The following SCAPER variants were observed in gnomAD, a reference collection of about 807,000 sequenced individuals.
SCAPER encodes the protein S-phase cyclin A associated protein in the ER.
Under a neutral mutation model 182.2 loss-of-function variants are expected in SCAPER, and 98 were observed. That is an observed-to-expected ratio of 0.54 (90% CI 0.46 to 0.64). The LOEUF is 0.64. Ranked by LOEUF, SCAPER falls within the 30% of genes least tolerant of loss-of-function variation. SCAPER has a pLI of 0.00. For missense variants in SCAPER, 1,432 were observed against 1,690.0 expected (o/e 0.85, Z 2.68); for synonymous variants, 605 against 564.6 (o/e 1.07, Z -1.01).
At chr15:76,686,120 A>G (rs950668106) in intron 20 of SCAPER, among the ~76,000 whole-genome samples, 13 of 152,036 alleles carry the variant, frequency 8.6e-5, no homozygotes, top group African/African-American at 3.1e-4. Context: ...TAAGAATATG[A>G]AAATCTAAGT....
chr15:76,587,877 A>G (rs1019582162), intron 22 of SCAPER, among the ~76,000 whole-genome samples: 2 of 151,532 alleles, frequency 1.3e-5, no homozygotes, highest in African/African-American at 4.8e-5. Flanking sequence ...GGAGTACTGA[A>G]GTCCCCCACT....
At chr15:76,509,141 T>C (rs935737738) in intron 23 of SCAPER, among the ~76,000 whole-genome samples, 6 of 152,100 alleles carry the variant, frequency 3.9e-5, no homozygotes. Context: ...CATAACCATA[T>C]TAAAAAATAA....
At chr15:76,468,125 T>G (rs1567201225) in intron 25 of SCAPER, among the ~76,000 whole-genome samples, 1 of 152,118 alleles carries the variant, frequency 6.6e-6, no homozygotes, top group Non-Finnish European at 1.5e-5. Flanking sequence ...CAAAACCAGT[T>G]AGCAAGAAAA....
chr15:76,695,596 C>CAA (rs36040189), intron 20 of SCAPER, among the ~76,000 whole-genome samples: 40 of 112,066 alleles, frequency 3.6e-4, no homozygotes, highest in South Asian at 3.5e-3. Flanking sequence ...GACTCCGTCT[C>CAA]AAAAAAAAAA....
At chr15:76,620,164 T>C (rs1163429318) in intron 22 of SCAPER, among the ~76,000 whole-genome samples, 2 of 152,202 alleles carry the variant, frequency 1.3e-5, no homozygotes, top group Admixed American at 6.5e-5. Flanking sequence ...TAAGTGGTTA[T>C]TGCAAAGAAA....
At chr15:76,762,467 A>C (rs1039235417) in intron 14 of SCAPER, among the ~76,000 whole-genome samples, 4 of 148,198 alleles carry the variant, frequency 2.7e-5, no homozygotes, top group African/African-American at 1.0e-4. Flanking sequence ...CTTTAATTTG[A>C]TGTCTACTTT....
chr15:76,522,035 G>A (rs193074151), intron 23 of SCAPER, among the ~76,000 whole-genome samples: 2 of 152,012 alleles, frequency 1.3e-5, no homozygotes, highest in Admixed American at 6.6e-5. Context: ...CTTTGTGCCC[G>A]CAAGAATTTA....
intron 23 of SCAPER, among the ~76,000 whole-genome samples, chr15:76,508,010 G>T (rs2041737410): frequency 6.6e-6 from 1 of 152,114 alleles, no homozygotes; most frequent in Non-Finnish European, 1.5e-5. Flanking sequence ...AACACATTGT[G>T]TTACAACTCC....
chr15:76,355,075 G>A (rs1179993625), intron 29 of SCAPER, among the ~76,000 whole-genome samples: 1 of 152,170 alleles, frequency 6.6e-6, no homozygotes, highest in Non-Finnish European at 1.5e-5. Context: ...TACACACCCA[G>A]ACAGGACTAC....
intron 20 of SCAPER, among the ~76,000 whole-genome samples, chr15:76,674,080 CAT>C (rs2057217267): frequency 6.6e-6 from 1 of 151,970 alleles, no homozygotes; most frequent in African/African-American, 2.4e-5. Context: ...GACTTACACA[CAT>C]ATTTACAAAC....
At chr15:76,732,702 C>A (rs930267791) in intron 16 of SCAPER, among the ~76,000 whole-genome samples, 1 of 152,212 alleles carries the variant, frequency 6.6e-6, no homozygotes, top group Non-Finnish European at 1.5e-5. Context: ...CCGCAGTTAT[C>A]CTGAGGCCTA....
At chr15:76,860,956 T>C (rs1353242328) in intron 3 of SCAPER, among the ~76,000 whole-genome samples, 1 of 152,042 alleles carries the variant, frequency 6.6e-6, no homozygotes, top group Non-Finnish European at 1.5e-5. Flanking sequence ...AATTTAAGCA[T>C]CAAAATAGAG....
chr15:76,862,297 T>G (rs2071942076), intron 3 of SCAPER, 119 bp downstream of exon 3: 2 of 553,010 alleles, frequency 3.6e-6, no homozygotes, highest in East Asian at 6.2e-5. Flanking sequence ...GTATTTCTTA[T>G]TTAACATACT....
chr15:76,619,020 T>A (rs2051764683), intron 22 of SCAPER, among the ~76,000 whole-genome samples: 1 of 152,160 alleles, frequency 6.6e-6, no homozygotes, highest in Non-Finnish European at 1.5e-5. Flanking sequence ...AGTTTTTGTA[T>A]TTTTAGTAAA....
chr15:76,889,736 C>T (rs144100391), intron 1 of SCAPER, among the ~76,000 whole-genome samples: 217 of 152,160 alleles, frequency 1.4e-3, no homozygotes, highest in African/African-American at 5.2e-3. Context: ...ACTTTAACAC[C>T]CTACTCTCAG....
intron 10 of SCAPER, among the ~76,000 whole-genome samples, chr15:76,769,224 C>G (rs2063298484): frequency 6.6e-6 from 1 of 151,394 alleles, no homozygotes; most frequent in Admixed American, 6.6e-5. Flanking sequence ...GGGTGGATCA[C>G]GAGGTCAGGA....
intron 4 of SCAPER, among the ~76,000 whole-genome samples, chr15:76,845,053 G>A (rs1287086941): frequency 2.6e-5 from 4 of 152,078 alleles, no homozygotes; most frequent in African/African-American, 9.7e-5. Flanking sequence ...TTATCCCAGG[G>A]ATGCATGGAT....
Position 76,596,970 on chromosome 15 carries a change from A to G in SCAPER, c.2712-22686T>C. Among the ~76,000 whole-genome samples the G allele has an allele frequency of 1.6e-5, 2 of 121,646 alleles. 1 individual carries two copies. The highest frequency in any genetic ancestry group is 4.0e-5 in the Non-Finnish European group (2 of 50,108). 79.8% of individuals were successfully genotyped at this position (121,646 alleles called of 152,430 possible). On this transcript the variant is annotated intron_variant, in intron 22 of 31. Transcript: ENST00000563290. ...GAAGTTCTGGCCAGGACAATCAGGC[A>G]AGAGAAAGAAATAAAGAGTATTCAA...
intron 10 of SCAPER, among the ~76,000 whole-genome samples, chr15:76,769,442 CAAAAAAAAAA>C (rs36078656): frequency 1.4e-5 from 1 of 69,956 alleles, no homozygotes; most frequent in Non-Finnish European, 2.8e-5. Context: ...GACTCTGTCT[CAAAAAAAAAA>C]AAAAAAAAAA....
Sources: allele counts gnomAD v4.1 joint callset (sites outside exome capture counted in the v4.1 genomes callset), GRCh38; gene constraint gnomAD v4.1.1; transcripts MANE v1.5; gene names NCBI Gene and HGNC (gene_info 2026-07-23, HGNC 2026-07-21).